Variants in TRPV4 observed in about 807,000 individuals in gnomAD.
TRPV4 encodes OSM9-like transient receptor potential channel 4.
In TRPV4, 58 loss-of-function variants were observed where a neutral mutation model predicts 84.1. The observed-to-expected ratio is 0.69, with a 90% CI of 0.56 to 0.86. The LOEUF (loss-of-function observed/expected upper bound fraction) is 0.86. Among genes scored for constraint, TRPV4 ranks in the 40% least tolerant of loss-of-function variants. The pLI, the probability that TRPV4 is intolerant of heterozygous loss-of-function variation, is 0.00. For synonymous variants in TRPV4, 489 were observed against 500.9 expected, an observed-to-expected ratio of 0.98 and a Z score of 0.32; for missense variants, 879 against 1,181.1, an observed-to-expected ratio of 0.74 and a Z score of 3.75.
chr12:109,804,519 G>A (rs1891002128), intron 3 of TRPV4, among the ~76,000 whole-genome samples: 1 of 152,186 alleles, frequency 6.6e-6, no homozygotes, highest in Non-Finnish European at 1.5e-5. Context: ...CCAGTACCAG[G>A]CAGATAGCAG....
chr12:109,817,967 A>C (rs1592867766), intron 1 of TRPV4, among the ~76,000 whole-genome samples: 1 of 152,256 alleles, frequency 6.6e-6, no homozygotes, highest in East Asian at 1.9e-4. Context: ...TAGCGTCGAG[A>C]CTGAGAACAT....
chr12:109,824,010 G>A (rs1297943165), intron 1 of TRPV4, among the ~76,000 whole-genome samples: 1 of 151,896 alleles, frequency 6.6e-6, no homozygotes, highest in South Asian at 2.1e-4. Flanking sequence ...TGTCACCCAG[G>A]CTAGAGTATA....
chr12:109,794,315 C>G lies in TRPV4; in HGVS notation c.1491+14G>C, dbSNP rs766828244. 6 of 1,610,376 alleles carry G rather than the reference C, an allele frequency of 3.7e-6. No individual in the cohort carries two copies. Among genetic ancestry groups the G allele is most frequent in the Non-Finnish European group, 5.1e-6 (6 of 1,179,606 alleles). ...GTGCCTGCCCCAGCCCCTGCCCGGT[C>G]CCCGGGCACTCACTGTGCCCTCCAG... On this transcript the variant is annotated intron_variant, in intron 8 of 15. Transcript: ENST00000261740.
chr12:109,800,566 T>C, intron 5 of TRPV4, 52 bp downstream of exon 5: 1 of 1,610,186 alleles, frequency 6.2e-7, no homozygotes, highest in Non-Finnish European at 8.5e-7. Context: ...TCATGCTATC[T>C]CCCGCCATGC....
At chr12:109,792,613 C>A in intron 11 of TRPV4, 39 bp downstream of exon 11, 1 of 1,612,720 alleles carries the variant, frequency 6.2e-7, no homozygotes, top group Non-Finnish European at 8.5e-7. Context: ...TGACTCCCTC[C>A]AGGAACACAC....
chr12:109,818,659 T>C (rs1446198464), intron 1 of TRPV4, among the ~76,000 whole-genome samples: 1 of 152,208 alleles, frequency 6.6e-6, no homozygotes, highest in Non-Finnish European at 1.5e-5. Context: ...CTTGTAGGGC[T>C]TCTGGGAGAT....
rs115707161 is a variant in TRPV4 at position 109,820,857 on chromosome 12, G to C, written c.-31-6030C>G. On this transcript the variant is annotated intron_variant, in intron 1 of 15. Coordinates refer to ENST00000261740, the MANE Select transcript of TRPV4 (RefSeq NM_021625.5). ...CCTATTAAGGGATCGTAATAGGGTC[G>C]TTGTGAGAGGTATATACCTTGAGTC... 7.2e-3 allele frequency among the ~76,000 whole-genome samples: 1,093 copies of C among 152,226 alleles called. 18 individuals carry two copies. Among genetic ancestry groups the C allele is most frequent in the African/African-American group, 0.025 (1,028 of 41,546 alleles).
At chr12:109,804,332 A>C (rs1166510972) in intron 3 of TRPV4, among the ~76,000 whole-genome samples, 1 of 152,178 alleles carries the variant, frequency 6.6e-6, no homozygotes, top group Non-Finnish European at 1.5e-5. Flanking sequence ...AGGAATGGCC[A>C]GAGGGTGGGA....
intron 1 of TRPV4, among the ~76,000 whole-genome samples, chr12:109,818,433 T>C (rs1565886086): frequency 6.6e-6 from 1 of 151,820 alleles, no homozygotes; most frequent in Non-Finnish European, 1.5e-5. Context: ...ATTTTACAGA[T>C]GAGGAAACTG....
At position 109,788,703 on chromosome 12, in the gene TRPV4, G is replaced by C. The variant is rs1429595549; in HGVS notation, c.1905C>G (p.Leu635=). ...CCTTCATGTTGGCACACGGGTTCAGGAGGGAGACCAGGGCTGTGGGAGGAT... is the reference window on the plus strand; with the variant it reads ...CCTTCATGTTGGCACACGGGTTCAGCAGGGAGACCAGGGCTGTGGGAGGAT... The part of the protein sequence containing the change: ...MIGYASALVS[L]LNPCANMKVC... Residue 635 remains leucine, a synonymous_variant, in exon 13 of 16, where the codon CTC becomes CTG. Coordinates refer to ENST00000261740, the MANE Select transcript of TRPV4 (RefSeq NM_021625.5). The C allele has an allele frequency of 6.2e-7, 1 of 1,614,060 alleles. No homozygotes were observed. Among genetic ancestry groups the C allele is most frequent in the Non-Finnish European group, 8.5e-7 (1 of 1,180,058 alleles).
chr12:109,800,509 G>T, intron 5 of TRPV4, 109 bp downstream of exon 5: 2 of 1,417,176 alleles, frequency 1.4e-6, no homozygotes, highest in East Asian at 2.3e-5. Flanking sequence ...GGCCAGAGTG[G>T]CCCTGGGTGT....
Position 109,797,465 on chromosome 12 carries a change from G to T in TRPV4, c.1153-761C>A, listed in dbSNP as rs184446613. On this transcript the variant is annotated intron_variant, in intron 6 of 15. Coordinates refer to ENST00000261740, the MANE Select transcript of TRPV4 (RefSeq NM_021625.5). ...CACTGTGCACAGCCAGGATTTTGGGGTTTTTTGAGACAGGGTCTGGCTCTG... is the reference window on the plus strand; with the variant it reads ...CACTGTGCACAGCCAGGATTTTGGGTTTTTTTGAGACAGGGTCTGGCTCTG... Among the ~76,000 whole-genome samples the T allele has an allele frequency of 7.3e-3, 1,101 of 150,938 alleles. 2 individuals are homozygous for T. The highest frequency in any genetic ancestry group is 0.01 in the Non-Finnish European group (690 of 67,722).
intron 3 of TRPV4, among the ~76,000 whole-genome samples, chr12:109,803,959 A>AT (rs1477242286): frequency 6.6e-6 from 1 of 152,158 alleles, no homozygotes; most frequent in East Asian, 1.9e-4. Flanking sequence ...CCCATGAAGC[A>AT]TTTACACTGG....
intron 1 of TRPV4, among the ~76,000 whole-genome samples, chr12:109,823,735 T>C (rs1215120403): frequency 6.6e-6 from 1 of 152,152 alleles, no homozygotes; most frequent in African/African-American, 2.4e-5. Flanking sequence ...TGCTGATGTC[T>C]GTACAACTCT....
chr12:109,793,545 C>A lies in TRPV4; in HGVS notation c.1640G>T (p.Gly547Val). The change falls in exon 10 of 16, where the codon GGC becomes GTC. Residue 547 changes from glycine to valine, a missense_variant. Physicochemically the swap from Gly to Val is moderately radical, Grantham distance 109 (BLOSUM62 -3). Transcript: ENST00000261740. The surrounding 1 kb of genome is among the most constrained non-coding windows in gnomAD (Gnocchi z 4.0). ...TACTCACTAGAGCAGCTGGAAGGAG[C>A]CATCAATGAAGAGAGAATTCACTCC... ...CPGVNSLFIDGSFQLLYFIYS... is the reference protein window; with the variant it reads ...CPGVNSLFIDVSFQLLYFIYS... 1 of 1,613,934 alleles carries A rather than the reference C, an allele frequency of 6.2e-7. No homozygotes were observed. The highest frequency in any genetic ancestry group is 8.5e-7 in the Non-Finnish European group (1 of 1,179,942).
intron 3 of TRPV4, among the ~76,000 whole-genome samples, chr12:109,805,428 T>G (rs1044896747): frequency 3.3e-5 from 5 of 152,202 alleles, no homozygotes; most frequent in African/African-American, 4.8e-5. Flanking sequence ...TTCCCAGAGA[T>G]GAGGTGGAAC....
At chr12:109,816,613 A>G (rs780715974) in intron 1 of TRPV4, among the ~76,000 whole-genome samples, 6 of 152,188 alleles carry the variant, frequency 3.9e-5, no homozygotes, top group Non-Finnish European at 8.8e-5. Flanking sequence ...CCCCGTCTCT[A>G]TAAAAAATAC....
At chr12:109,825,806 T>C (rs750567186) in intron 1 of TRPV4, among the ~76,000 whole-genome samples, 15 of 152,262 alleles carry the variant, frequency 9.9e-5, no homozygotes, top group African/African-American at 1.9e-4. Context: ...GTGCCCGTTA[T>C]GAGTGGATGG....
intron 2 of TRPV4, among the ~76,000 whole-genome samples, chr12:109,810,785 G>A (rs536006533): frequency 9.9e-5 from 15 of 152,212 alleles, no homozygotes; most frequent in African/African-American, 2.9e-4. Flanking sequence ...GGGCTCAGCC[G>A]TGCCCCACTT....
Sources: gnomAD v4.1 joint callset for allele counts (sites outside exome capture counted in the v4.1 genomes callset) on GRCh38, gnomAD v4.1.1 for gene constraint, Gnocchi (gnomAD v3.1) non-coding constraint, MANE v1.5 for transcripts, NCBI Gene and HGNC (gene_info 2026-07-23, HGNC 2026-07-21) for gene names.